Variants in NCKAP1L observed in about 807,000 individuals in gnomAD.
NCKAP1L encodes the protein nck-associated protein 1-like.
In NCKAP1L, 53 loss-of-function variants were observed where a neutral mutation model predicts 139.2. The ratio of observed to expected loss-of-function variants is 0.38; its 90% CI spans 0.31 to 0.48. The LOEUF (loss-of-function observed/expected upper bound fraction) is 0.48. Among genes scored for constraint, NCKAP1L ranks in the 20% least tolerant of loss-of-function variants. The pLI is 0.98. For synonymous variants in NCKAP1L, 468 were observed against 499.7 expected, an observed-to-expected ratio of 0.94 and a Z score of 0.85; for missense variants, 1,151 against 1,381.9, an observed-to-expected ratio of 0.83 and a Z score of 2.65.
At chr12:54,530,791 T>C (rs937551421) in intron 22 of NCKAP1L, among the ~76,000 whole-genome samples, 1 of 152,220 alleles carries the variant, frequency 6.6e-6, no homozygotes, top group Non-Finnish European at 1.5e-5. Context: ...ATCCATATAT[T>C]TTCCAAAGTT....
Position 54,531,534 on chromosome 12 carries a change from C to T in NCKAP1L, c.2648C>T (p.Ser883Phe). 6.2e-7 allele frequency: 1 copy of T among 1,614,190 alleles called. No homozygotes were observed. Among genetic ancestry groups the T allele is most frequent in the Non-Finnish European group, 8.5e-7 (1 of 1,180,030 alleles). The change falls in exon 24 of 31, where the codon TCC (serine) becomes TTC (phenylalanine). Residue 883 changes from serine to phenylalanine, a missense_variant. Physicochemically the swap from Ser to Phe is radical, Grantham distance 155 (BLOSUM62 -2). Transcript: ENST00000293373. ...ATGGACATACTTGTTCAGATCAGAT[C>T]CAACTTTAGCAAGCCGGACTTGATG... ...ENMDILVQIR[S>F]NFSKPDLMAS... is the part of the protein sequence containing the mutation.
chr12:54,498,391 T>C (rs970549429), intron 1 of NCKAP1L, among the ~76,000 whole-genome samples: 5 of 118,370 alleles, frequency 4.2e-5, no homozygotes, highest in Non-Finnish European at 9.9e-5. Flanking sequence ...TAGTTCATGC[T>C]GTGGTGGTTG....
chr12:54,501,101 C>T (rs1042601105), intron 3 of NCKAP1L, among the ~76,000 whole-genome samples: 1 of 152,166 alleles, frequency 6.6e-6, no homozygotes, highest in African/African-American at 2.4e-5. Flanking sequence ...ACCCTTTATG[C>T]AATAATTCCC....
rs1438150682 is a variant in NCKAP1L at position 54,545,599 on chromosome 12, G to C, written c.*2914G>C. 2 of 152,192 alleles carry C rather than the reference G, an allele frequency of 1.3e-5. No individual in the cohort carries two copies. The highest frequency in any genetic ancestry group is 4.8e-5 in the African/African-American group (2 of 41,446). The allele number at this position is 152,192 out of a possible 1,614,324, so 9.4% of individuals were successfully genotyped here. A position where few individuals can be genotyped will look rare whatever the true frequency, so the allele number is the denominator to read the frequency against. ...GGCAATTTGCTTCCTTTACCAGGAG[G>C]GTCTCTGTCCTCTTACAACCTGGGA... is the stretch of plus-strand genomic sequence containing the variant. On this transcript the variant is annotated 3_prime_UTR_variant, in exon 31 of 31. Coordinates refer to ENST00000293373, the MANE Select transcript of NCKAP1L (RefSeq NM_005337.5).
chr12:54,528,393 G>T lies in NCKAP1L; in HGVS notation c.2506+16G>T. The T allele has an allele frequency of 6.2e-7, 1 of 1,611,136 alleles. No homozygotes were observed. Among genetic ancestry groups the T allele is most frequent in the South Asian group, 1.1e-5 (1 of 90,686 alleles). ...GACATCTCTGGTGAGCTCAGGGCCTGGTCTTCTTGTCAAGGAGCTGAGCCC... is the reference window on the plus strand; with the variant it reads ...GACATCTCTGGTGAGCTCAGGGCCTTGTCTTCTTGTCAAGGAGCTGAGCCC... On this transcript the variant is annotated intron_variant, in intron 22 of 30. Transcript: ENST00000293373.
intron 3 of NCKAP1L, among the ~76,000 whole-genome samples, chr12:54,505,667 C>T (rs1386770439): frequency 2.8e-5 from 4 of 144,614 alleles, no homozygotes; most frequent in African/African-American, 2.6e-5. Context: ...CCCGTCCTCC[C>T]TTTTTTTTTT....
At chr12:54,526,825 G>T in intron 21 of NCKAP1L, 79 bp downstream of exon 21, 1 of 1,217,326 alleles carries the variant, frequency 8.2e-7, no homozygotes, top group East Asian at 2.5e-5. Flanking sequence ...CTCAGGGCCC[G>T]AGCATTTTAG....
rs1166257252 is a variant in NCKAP1L at position 54,498,761 on chromosome 12, G to A, written c.103-594G>A. The A allele has an allele frequency of 5.1e-6, 5 of 984,850 alleles. No homozygotes were observed. In the African/African-American group the frequency reaches 8.8e-5, roughly 17 times the overall value. 61.0% of individuals were successfully genotyped at this position (984,850 alleles called of 1,614,324 possible). A position where few individuals can be genotyped will look rare whatever the true frequency, so the allele number is the denominator to read the frequency against. ...TTGTTCCTTCCGGCTTCAGTTGAGG[G>A]GCGGGGAAACAGCTTCCTCTTTGTG... On this transcript the variant is annotated intron_variant, in intron 1 of 30. Coordinates refer to ENST00000293373, the MANE Select transcript of NCKAP1L (RefSeq NM_005337.5).
Position 54,500,593 on chromosome 12 carries a change from T to C in NCKAP1L, c.274T>C (p.Tyr92His). 1 of 1,613,304 alleles carries C rather than the reference T, an allele frequency of 6.2e-7. No homozygotes were observed. The highest frequency in any genetic ancestry group is 1.1e-5 in the South Asian group (1 of 91,064). Residue 92 changes from tyrosine to histidine, a missense_variant, in exon 3 of 31, where the codon TAC becomes CAC. Transcript: ENST00000293373. ...GATAATTAGATTCCTCACCAACTAC[T>C]ACCAGTCATTTGTGGATGTCATGGA... is the stretch of plus-strand genomic sequence containing the variant. ...AEIIRFLTNY[Y>H]QSFVDVMEFR...
intron 20 of NCKAP1L, among the ~76,000 whole-genome samples, chr12:54,525,014 G>A (rs1957016157): frequency 1.3e-5 from 2 of 152,162 alleles, no homozygotes; most frequent in Admixed American, 1.3e-4. Flanking sequence ...TCTGAGGTTC[G>A]AACATGCCTT....
Position 54,543,609 on chromosome 12 carries a change from G to A in NCKAP1L, c.*924G>A. 1 of 152,188 alleles carries A rather than the reference G, an allele frequency of 6.6e-6. No homozygotes were observed. The highest frequency in any genetic ancestry group is 1.9e-4 in the East Asian group (1 of 5,192). 9.4% of individuals were successfully genotyped at this position (152,188 alleles called of 1,614,324 possible). A position where few individuals can be genotyped will look rare whatever the true frequency, so the allele number is the denominator to read the frequency against. ...GCTCCAGGAAGGGATTTCTCTTCTG[G>A]ATCTTAAATTTCACAGACCTCATTA... is the stretch of plus-strand genomic sequence containing the variant. On this transcript the variant is annotated 3_prime_UTR_variant, in exon 31 of 31. Coordinates refer to ENST00000293373, the MANE Select transcript of NCKAP1L (RefSeq NM_005337.5).
intron 1 of NCKAP1L, 36 bp downstream of exon 1, chr12:54,497,927 C>A: frequency 7.4e-7 from 1 of 1,343,410 alleles, no homozygotes; most frequent in Non-Finnish European, 1.1e-6. Flanking sequence ...CTGATTATTC[C>A]AACAATAATA....
intron 3 of NCKAP1L, among the ~76,000 whole-genome samples, chr12:54,505,925 G>A (rs779396401): frequency 1.3e-5 from 2 of 152,204 alleles, no homozygotes; most frequent in Non-Finnish European, 2.9e-5. Context: ...GCCTCCCAAA[G>A]TGCTGGGATT....
At chr12:54,540,367 T>C (rs1256899409) in intron 30 of NCKAP1L, among the ~76,000 whole-genome samples, 1 of 151,952 alleles carries the variant, frequency 6.6e-6, no homozygotes, top group Non-Finnish European at 1.5e-5. Context: ...AGAATGGACT[T>C]GGGGGTGGAT....
chr12:54,516,082 G>A (rs78497950), intron 9 of NCKAP1L, among the ~76,000 whole-genome samples, 157 bp from the exon 10 acceptor site: 8,504 of 152,218 alleles, frequency 0.056, 288 homozygotes, highest in African/African-American at 0.091. Context: ...TTTATTAATA[G>A]GCTAGGGTGA....
intron 24 of NCKAP1L, 69 bp from the exon 25 acceptor site, chr12:54,531,674 T>A (rs1452109414): frequency 2.5e-6 from 4 of 1,599,162 alleles, no homozygotes; most frequent in Non-Finnish European, 2.6e-6. Context: ...CTAGGCGGGG[T>A]CTGTAGAATC....
At chr12:54,519,362 A>C in intron 16 of NCKAP1L, 30 bp downstream of exon 16, 1 of 1,427,976 alleles carries the variant, frequency 7.0e-7, no homozygotes, top group Non-Finnish European at 9.2e-7. Context: ...TCTCTTTAAA[A>C]AGTTTTATTG....
chr12:54,543,857 A>G lies in NCKAP1L; in HGVS notation c.*1172A>G, dbSNP rs1957178488. On this transcript the variant is annotated 3_prime_UTR_variant, in exon 31 of 31. Coordinates refer to ENST00000293373, the MANE Select transcript of NCKAP1L (RefSeq NM_005337.5). ...AGTGGAGAAACAGATCATATATGTCACAGGTCTAGAGTGGTTGGAATTGAC... is the reference window on the plus strand; with the variant it reads ...AGTGGAGAAACAGATCATATATGTCGCAGGTCTAGAGTGGTTGGAATTGAC... The G allele has an allele frequency of 6.6e-6, 1 of 152,200 alleles. No individual in the cohort carries two copies. Among genetic ancestry groups the G allele is most frequent in the African/African-American group, 2.4e-5 (1 of 41,450 alleles). The allele number at this position is 152,200 out of a possible 1,614,324, so 9.4% of individuals were successfully genotyped here.
chr12:54,502,273 T>A (rs1249388), intron 3 of NCKAP1L, among the ~76,000 whole-genome samples: 137,705 of 152,276 alleles, frequency 0.9, 62,465 homozygotes, highest in East Asian at 1. Flanking sequence ...TTTGAGTGTC[T>A]TGTTGGTGCT....
Sources: allele counts gnomAD v4.1 joint callset (sites outside exome capture counted in the v4.1 genomes callset), GRCh38; gene constraint gnomAD v4.1.1; transcripts MANE v1.5; gene names NCBI Gene and HGNC (gene_info 2026-07-23, HGNC 2026-07-21).